Variants in NCMAP observed in about 807,000 individuals in gnomAD.
The protein encoded by NCMAP is non-compact myelin associated protein, also known as noncompact myelin-associated protein.
In NCMAP, 8 loss-of-function variants were observed where a neutral mutation model predicts 7.8. The observed-to-expected ratio is 1.02, with a 90% CI of 0.60 to 1.84. NCMAP has a LOEUF of 1.84. Among genes scored for constraint, NCMAP ranks in the 40% most tolerant of loss-of-function variants. The pLI, the probability that NCMAP is intolerant of heterozygous loss-of-function variation, is 0.00. For missense variants in NCMAP, 112 were observed against 131.4 expected, an observed-to-expected ratio of 0.85 and a Z score of 0.72; for synonymous variants, 41 against 52.9, an observed-to-expected ratio of 0.78 and a Z score of 0.98.
At chr1:24,594,726 A>T (rs1652160679) in intron 1 of NCMAP, among the ~76,000 whole-genome samples, 1 of 152,028 alleles carries the variant, frequency 6.6e-6, no homozygotes. Context: ...ACTGCTTCAT[A>T]ATCATAATTC....
At position 24,556,160 on chromosome 1, in the gene NCMAP, G is replaced by T; in HGVS notation, c.-17G>T. Reference sequence around the variant, plus strand: ...GCCGGCGGGAGGCCGAGCGGGGCTCGACAGAGCAGGTAGGAGGCGCCTGGT... The same window carrying T: ...GCCGGCGGGAGGCCGAGCGGGGCTCTACAGAGCAGGTAGGAGGCGCCTGGT... On this transcript the variant is annotated 5_prime_UTR_variant, in exon 1 of 4. Coordinates refer to ENST00000374392, the MANE Select transcript of NCMAP (RefSeq NM_001010980.5). 6.5e-6 allele frequency: 1 copy of T among 152,844 alleles called. No homozygotes were observed. The highest frequency in any genetic ancestry group is 1.9e-4 in the South Asian group (1 of 5,170). The allele number at this position is 152,844 out of a possible 1,614,324, so 9.5% of individuals were successfully genotyped here.
At position 24,601,042 on chromosome 1, in the gene NCMAP, T is replaced by C; in HGVS notation, c.167+18T>C. ...TACAACAGGTACGGATGCCCTGGGCTTTGGAACTGCCTGGACGGTCCCTTC... is the reference window on the plus strand; with the variant it reads ...TACAACAGGTACGGATGCCCTGGGCCTTGGAACTGCCTGGACGGTCCCTTC... On this transcript the variant is annotated intron_variant, in intron 3 of 3. Transcript: ENST00000374392. 2 of 1,608,662 alleles carry C rather than the reference T, an allele frequency of 1.2e-6. No homozygotes were observed. The highest frequency in any genetic ancestry group is 2.2e-5 in the South Asian group (2 of 90,922).
intron 1 of NCMAP, among the ~76,000 whole-genome samples, chr1:24,570,950 T>C (rs1296132404): frequency 2.0e-5 from 3 of 150,880 alleles, no homozygotes; most frequent in African/African-American, 7.5e-5. Flanking sequence ...TAATTACTCC[T>C]TCTGGGCGCC....
Position 24,600,968 on chromosome 1 carries a change from GGTGGTTGTCATCATCATCTTCACC to G in NCMAP, c.118_141del (p.Val40_Val47del). ...CTGGAGCCATTGTTGCTGCCGTTGTGGTGGTTGTCATCATCATCTTCACCGTGGTTCTGATCCTGCTGAAGATGT... is the reference window on the plus strand; with the variant it reads ...CTGGAGCCATTGTTGCTGCCGTTGTGGTGGTTCTGATCCTGCTGAAGATGT... On this transcript the variant is annotated inframe_deletion, in exon 3 of 4. Transcript: ENST00000374392. The G allele has an allele frequency of 1.2e-6, 2 of 1,614,108 alleles. No homozygotes were observed. Among genetic ancestry groups the G allele is most frequent in the Non-Finnish European group, 1.7e-6 (2 of 1,180,016 alleles).
chr1:24,606,417 G>T lies in NCMAP; in HGVS notation c.*670G>T, dbSNP rs1652734579. 1 of 152,378 alleles carries T rather than the reference G, an allele frequency of 6.6e-6. No individual in the cohort carries two copies. Among genetic ancestry groups the T allele is most frequent in the Non-Finnish European group, 1.5e-5 (1 of 68,102 alleles). The allele number at this position is 152,378 out of a possible 1,614,324, so 9.4% of individuals were successfully genotyped here. On this transcript the variant is annotated 3_prime_UTR_variant, in exon 4 of 4. Coordinates refer to ENST00000374392, the MANE Select transcript of NCMAP (RefSeq NM_001010980.5). ...ACTCTGCAGAATAGTGGCCTCTAGGGTAGGAGCTTGTTGTGTTGTCCGTGG... is the reference window on the plus strand; with the variant it reads ...ACTCTGCAGAATAGTGGCCTCTAGGTTAGGAGCTTGTTGTGTTGTCCGTGG...
chr1:24,557,448 T>G (rs1221637085), intron 1 of NCMAP, among the ~76,000 whole-genome samples: 1 of 150,578 alleles, frequency 6.6e-6, no homozygotes, highest in African/African-American at 2.5e-5. Context: ...TGTGTGCACG[T>G]GTGTGCGTGT....
chr1:24,601,303 G>C (rs1415496670), intron 3 of NCMAP, among the ~76,000 whole-genome samples: 1 of 152,168 alleles, frequency 6.6e-6, no homozygotes, highest in Non-Finnish European at 1.5e-5. Context: ...GTAATTTACA[G>C]ATAATAGAGG....
chr1:24,577,570 C>T (rs1057227956), intron 1 of NCMAP, among the ~76,000 whole-genome samples: 11 of 151,806 alleles, frequency 7.2e-5, no homozygotes, highest in African/African-American at 1.5e-4. Context: ...CCACCATGCC[C>T]GGCCTGGCCT....
intron 1 of NCMAP, among the ~76,000 whole-genome samples, chr1:24,586,283 G>A (rs2148932651): frequency 6.6e-6 from 1 of 152,302 alleles, no homozygotes; most frequent in Non-Finnish European, 1.5e-5. Context: ...AGGAGGAGCG[G>A]AAATGTCTCT....
At chr1:24,595,318 G>A (rs955665473) in intron 1 of NCMAP, 106 bp from the exon 2 acceptor site, 1 of 711,928 alleles carries the variant, frequency 1.4e-6, no homozygotes, top group Admixed American at 2.7e-5. Context: ...GAAACTGCAT[G>A]CTTGAATATT....
rs1203729166 is a variant in NCMAP, at chr1:24,556,090, G to C, written c.-87G>C. On this transcript the variant is annotated 5_prime_UTR_variant, in exon 1 of 4. Coordinates refer to ENST00000374392, the MANE Select transcript of NCMAP (RefSeq NM_001010980.5). ...CGGGCGGGGGCGGGATCCCAGGGTG[G>C]CAGCGCCGGGCGGCGGCGGGGACCC... 3.3e-5 allele frequency: 5 copies of C among 152,916 alleles called. No homozygotes were observed. The highest frequency in any genetic ancestry group is 1.3e-4 in the Admixed American group (2 of 15,252). The allele number at this position is 152,916 out of a possible 1,614,324, so 9.5% of individuals were successfully genotyped here.
chr1:24,568,220 C>T (rs1329409323), intron 1 of NCMAP, among the ~76,000 whole-genome samples: 2 of 152,142 alleles, frequency 1.3e-5, no homozygotes, highest in African/African-American at 4.8e-5. Flanking sequence ...ATGTCACTGC[C>T]AACCCTGCCT....
intron 1 of NCMAP, among the ~76,000 whole-genome samples, chr1:24,558,041 C>T (rs1650956114): frequency 6.6e-6 from 1 of 152,210 alleles, no homozygotes; most frequent in South Asian, 2.1e-4. Flanking sequence ...AAGCTAGTTT[C>T]AGTTTTGTGA....
At chr1:24,563,667 C>A (rs1210543183) in intron 1 of NCMAP, 2 of 152,058 alleles carry the variant, frequency 1.3e-5, no homozygotes, top group African/African-American at 4.8e-5. Flanking sequence ...ATTATGTCTT[C>A]TTTTTCCAAA....
intron 1 of NCMAP, among the ~76,000 whole-genome samples, chr1:24,559,493 G>A (rs1186361019): frequency 6.6e-6 from 1 of 152,232 alleles, no homozygotes; most frequent in Non-Finnish European, 1.5e-5. Flanking sequence ...CGGAGCCAGA[G>A]GGGGAGCTGG....
chr1:24,576,521 C>T lies in NCMAP; in HGVS notation c.-7-18903C>T, dbSNP rs1466181678. ...CTGGAATGGAGGGTGTGGAGGCAAA[C>T]AAGCCTCGGGGAGGGTGTCCTGAAC... On this transcript the variant is annotated intron_variant, in intron 1 of 3. Transcript: ENST00000374392. The surrounding 1 kb of genome is among the most constrained non-coding windows in gnomAD (Gnocchi z 4.0). Among the ~76,000 whole-genome samples, 2 of 152,064 alleles carry T rather than the reference C, an allele frequency of 1.3e-5. No individual in the cohort carries two copies. The highest frequency in any genetic ancestry group is 1.3e-4 in the Admixed American group (2 of 15,264).
rs1557602560 is a variant in NCMAP at position 24,597,636 on chromosome 1, AAAG to A, written c.82+2127_82+2129del. ...AAGAAAGAGAAAGAAAGAAAGAAAGAAAGAAAGAAAGAAAGAAAGAAAGAAAGA... is the reference window on the plus strand; with the variant it reads ...AAGAAAGAGAAAGAAAGAAAGAAAGAAAAGAAAGAAAGAAAGAAAGAAAGA... On this transcript the variant is annotated intron_variant, in intron 2 of 3. Coordinates refer to ENST00000374392, the MANE Select transcript of NCMAP (RefSeq NM_001010980.5). 9.0e-4 allele frequency among the ~76,000 whole-genome samples: 109 copies of A among 120,484 alleles called. 1 individual carries two copies. Among genetic ancestry groups the A allele is most frequent in the African/African-American group, 3.9e-3 (102 of 26,190 alleles). 79.0% of individuals were successfully genotyped at this position (120,484 alleles called of 152,430 possible).
chr1:24,569,772 T>C (rs1241803152), intron 1 of NCMAP, among the ~76,000 whole-genome samples: 1 of 150,742 alleles, frequency 6.6e-6, no homozygotes, highest in Non-Finnish European at 1.5e-5. Context: ...AGCTTACTTA[T>C]AAAGTTTTTA....
Position 24,565,897 on chromosome 1 carries a change from T to G in NCMAP, c.-8+9728T>G, listed in dbSNP as rs373776050. The stretch of plus-strand genomic sequence containing the variant: ...CCCACTTGTCAAGGGAGAGACCAGA[T>G]GGAGGTAATTGAATCATCGTGGTGG... On this transcript the variant is annotated intron_variant, in intron 1 of 3. Transcript: ENST00000374392. 3.7e-4 allele frequency among the ~76,000 whole-genome samples: 57 copies of G among 152,258 alleles called. 1 individual carries two copies. In the Middle Eastern group the frequency reaches 0.014, roughly 36 times the overall value.
Sources: allele counts gnomAD v4.1 joint callset (sites outside exome capture counted in the v4.1 genomes callset), GRCh38; gene constraint gnomAD v4.1.1; non-coding constraint Gnocchi (gnomAD v3.1); transcripts MANE v1.5; gene names NCBI Gene and HGNC (gene_info 2026-07-23, HGNC 2026-07-21).